Variants in TCF20 observed in about 807,000 individuals in gnomAD.
The protein encoded by TCF20 is transcription factor 20, also known as SPRE-binding protein.
A neutral mutation model predicts 148.6 loss-of-function variants in TCF20; 3 were observed. That is an observed-to-expected ratio of 0.02 (90% confidence interval 0.01 to 0.05). The LOEUF (loss-of-function observed/expected upper bound fraction) is 0.05, where lower values mean the gene tolerates loss of function less well. Ranked by LOEUF, TCF20 falls within the 10% of genes least tolerant of loss-of-function variation. TCF20 has a pLI of 1.00. For synonymous variants in TCF20, 1,049 were observed against 909.5 expected (o/e 1.15, Z -2.76); for missense variants, 2,350 against 2,429.3 (o/e 0.97, Z 0.69).
rs145424105 is a variant in TCF20, at chr22:42,296,839, G to A, written c.-37+46640C>T. ...CGCCATTTATTCAGCTCAGCTTTTC[G>A]CGAATGAGAAAGCAGCACGAGGAGC... On this transcript the variant is annotated intron_variant, in intron 1 of 1. Transcript: ENST00000515426. Among the ~76,000 whole-genome samples, 4 of 152,326 alleles carry A rather than the reference G, an allele frequency of 2.6e-5. No homozygotes were observed. The East Asian group carries it at 5.8e-4, about 22-fold the overall frequency.
intron 1 of TCF20, among the ~76,000 whole-genome samples, chr22:42,243,082 T>C (rs1249727749): frequency 6.6e-6 from 1 of 151,636 alleles, no homozygotes; most frequent in Non-Finnish European, 1.5e-5. Flanking sequence ...TACAGGTGAC[T>C]CCTGGGATAG....
intron 1 of TCF20, chr22:42,278,609 T>C (rs1030581294): frequency 1.3e-5 from 2 of 152,194 alleles, no homozygotes; most frequent in African/African-American, 4.8e-5. Flanking sequence ...GGAGGCTGCC[T>C]GGGTTTGGCG....
intron 1 of TCF20, among the ~76,000 whole-genome samples, chr22:42,223,242 G>A (rs1025528695): frequency 6.6e-6 from 1 of 152,112 alleles, no homozygotes; most frequent in Admixed American, 6.5e-5. Context: ...GAATGAGGGG[G>A]AAAAATTAAT....
intron 1 of TCF20, among the ~76,000 whole-genome samples, chr22:42,319,526 C>T (rs889084297): frequency 2.6e-5 from 4 of 152,198 alleles, no homozygotes; most frequent in Admixed American, 1.3e-4. Flanking sequence ...CCCTTTCAGA[C>T]CTTCAATTCC....
intron 2 of TCF20, among the ~76,000 whole-genome samples, chr22:42,193,216 T>A (rs1274557157): frequency 1.3e-5 from 2 of 150,468 alleles, no homozygotes; most frequent in Non-Finnish European, 3.0e-5. Flanking sequence ...AAAATAGAGA[T>A]CTGGAAGTAA....
intron 1 of TCF20, among the ~76,000 whole-genome samples, chr22:42,229,564 G>A (rs202222576): frequency 3.1e-3 from 473 of 152,214 alleles, no homozygotes; most frequent in African/African-American, 0.011. Context: ...GAAGAGAGAG[G>A]GTCAGAAGAT....
intron 1 of TCF20, among the ~76,000 whole-genome samples, chr22:42,332,235 G>A (rs985837880): frequency 6.6e-6 from 1 of 152,222 alleles, no homozygotes; most frequent in South Asian, 2.1e-4. Flanking sequence ...GGGCTCTGAG[G>A]GTATTAGCCA....
intron 1 of TCF20, among the ~76,000 whole-genome samples, chr22:42,256,667 CAAA>C (rs969510820): frequency 6.6e-6 from 1 of 151,874 alleles, no homozygotes; most frequent in Non-Finnish European, 1.5e-5. Context: ...AAACAAAAAA[CAAA>C]AAAGTAGCAT....
intron 1 of TCF20, among the ~76,000 whole-genome samples, chr22:42,283,581 C>T (rs943311415): frequency 1.3e-5 from 2 of 152,138 alleles, no homozygotes; most frequent in African/African-American, 2.4e-5. Flanking sequence ...CGCCCTCCAT[C>T]GCTCTTTATG....
At chr22:42,223,428 C>A (rs1274080065) in intron 1 of TCF20, among the ~76,000 whole-genome samples, 4 of 152,190 alleles carry the variant, frequency 2.6e-5, no homozygotes, top group Admixed American at 2.0e-4. Flanking sequence ...CTGACACACA[C>A]TTGGGTCAGA....
In TCF20 at chr22:42,211,178, C is replaced by T; in HGVS notation, c.4128G>A (p.Gly1376=). ...RSASSNSAEA[G]GDTVTLDDIL... ...TATCATCAAGCGTAACCGTGTCTCC[C>T]CCAGCCTCCGCACTGTTCGAAGATG... is the stretch of plus-strand genomic sequence containing the variant. Residue 1376 remains glycine (G), a synonymous_variant, in exon 2 of 6, where the codon GGG becomes GGA. Coordinates refer to ENST00000677622, the MANE Select transcript of TCF20 (RefSeq NM_001378418.1). The T allele has an allele frequency of 6.2e-7, 1 of 1,614,184 alleles. No individual in the cohort carries two copies. The highest frequency in any genetic ancestry group is 8.5e-7 in the Non-Finnish European group (1 of 1,180,048).
chr22:42,173,166 G>A (rs1456667317), intron 3 of TCF20, among the ~76,000 whole-genome samples: 1 of 150,760 alleles, frequency 6.6e-6, no homozygotes, highest in Non-Finnish European at 1.5e-5. Flanking sequence ...TTTACGCACA[G>A]TGGAATTATT....
intron 1 of TCF20, among the ~76,000 whole-genome samples, chr22:42,239,682 C>A (rs576345060): frequency 6.6e-6 from 1 of 152,036 alleles, no homozygotes; most frequent in East Asian, 1.9e-4. Flanking sequence ...CAGCTACTCA[C>A]GAGGCTGAGG....
intron 2 of TCF20, among the ~76,000 whole-genome samples, chr22:42,197,047 C>A (rs751651082): frequency 6.6e-6 from 1 of 152,206 alleles, no homozygotes; most frequent in African/African-American, 2.4e-5. Context: ...ACCAGGTTTA[C>A]GTGGACAGCA....
intron 1 of TCF20, among the ~76,000 whole-genome samples, chr22:42,300,939 C>G (rs1397833958): frequency 3.3e-5 from 5 of 152,090 alleles, no homozygotes; most frequent in Non-Finnish European, 5.9e-5. Context: ...CCTGAGTCAG[C>G]CTTAACCCCA....
intron 1 of TCF20, among the ~76,000 whole-genome samples, chr22:42,250,189 C>A (rs186580901): frequency 5.3e-5 from 8 of 152,224 alleles, no homozygotes; most frequent in Admixed American, 2.6e-4. Flanking sequence ...TCTGTAATCC[C>A]AGCACTTGTG....
chr22:42,193,389 T>C (rs562160951), intron 2 of TCF20, among the ~76,000 whole-genome samples: 3 of 151,262 alleles, frequency 2.0e-5, no homozygotes, highest in Admixed American at 6.6e-5. Flanking sequence ...GTACTCATAG[T>C]GGAACAATCA....
intron 1 of TCF20, among the ~76,000 whole-genome samples, chr22:42,236,283 A>C (rs1163639253): frequency 6.6e-6 from 1 of 152,182 alleles, no homozygotes; most frequent in Non-Finnish European, 1.5e-5. Context: ...AACACAATAA[A>C]TAACTACTGA....
chr22:42,294,119 C>A (rs1601696229), intron 1 of TCF20, among the ~76,000 whole-genome samples: 1 of 152,136 alleles, frequency 6.6e-6, no homozygotes, highest in African/African-American at 2.4e-5. Context: ...GTGGGAACAT[C>A]CCCGCAGGGC....
Sources: gnomAD v4.1 joint callset for allele counts (sites outside exome capture counted in the v4.1 genomes callset) on GRCh38, gnomAD v4.1.1 for gene constraint, MANE v1.5 for transcripts, NCBI Gene and HGNC (gene_info 2026-07-23, HGNC 2026-07-21) for gene names.